The following LAMB4 variants were observed in gnomAD, a reference collection of about 807,000 sequenced individuals.
LAMB4 encodes the protein laminin subunit beta-4.
In LAMB4, 196 loss-of-function variants were observed where a neutral mutation model predicts 199.2. The ratio of observed to expected loss-of-function variants is 0.98; its 90% CI spans 0.88 to 1.11. The LOEUF (loss-of-function observed/expected upper bound fraction) is 1.11, where lower values mean the gene tolerates loss of function less well. LAMB4 is among the 50% of genes least tolerant of loss of function. The pLI is 0.00. For synonymous variants in LAMB4, 744 were observed against 770.6 expected, an observed-to-expected ratio of 0.97 and a Z score of 0.57; for missense variants, 2,080 against 2,171.2, an observed-to-expected ratio of 0.96 and a Z score of 0.83.
intron 23 of LAMB4, among the ~76,000 whole-genome samples, chr7:108,058,687 G>T (rs960260929): frequency 6.6e-6 from 1 of 151,986 alleles, no homozygotes; most frequent in African/African-American, 2.4e-5. Context: ...ACGGAGTCTC[G>T]CTCTGTTGCC....
At chr7:108,025,402 TTTCTTTCTTTCTTTC>T (rs895455538) in intron 33 of LAMB4, among the ~76,000 whole-genome samples, 2 of 127,286 alleles carry the variant, frequency 1.6e-5, no homozygotes, top group East Asian at 2.0e-4. Flanking sequence ...TCTTTCTTTC[TTTCTTTCTTTCTTTC>T]TTCTTTCTTT....
Position 108,041,027 on chromosome 7 carries a change from C to T in LAMB4, c.4471+2725G>A, listed in dbSNP as rs146808402. ...CATCTGACAAAGGTCTAATATCCAGCATCTATAAGGAACTTAAATCTACAA... is the reference window on the plus strand; with the variant it reads ...CATCTGACAAAGGTCTAATATCCAGTATCTATAAGGAACTTAAATCTACAA... On this transcript the variant is annotated intron_variant, in intron 29 of 33. Transcript: ENST00000388781. Among the ~76,000 whole-genome samples the T allele has an allele frequency of 8.5e-5, 13 of 152,088 alleles. No homozygotes were observed. In the East Asian group the frequency reaches 2.5e-3, roughly 29 times the overall value.
Position 108,037,537 on chromosome 7 carries a change from G to A in LAMB4, c.4530C>T (p.His1510=). The A allele has an allele frequency of 1.2e-6, 2 of 1,614,134 alleles. No homozygotes were observed. The highest frequency in any genetic ancestry group is 1.7e-6 in the Non-Finnish European group (2 of 1,180,012). The part of the protein sequence containing the change: ...EKVANGVLDI[H]LPIPSQNLTD... ...TTAGATTTTGGGATGGAATTGGTAG[G>A]TGAATGTCAAGCACACCATTCGCAA... Residue 1510 remains histidine (H), a synonymous_variant, in exon 30 of 34, where the codon CAC becomes CAT. Transcript: ENST00000388781.
intron 30 of LAMB4, among the ~76,000 whole-genome samples, 193 bp from the exon 31 acceptor site, chr7:108,034,539 C>A (rs926987391): frequency 1.3e-4 from 20 of 152,006 alleles, no homozygotes; most frequent in Admixed American, 1.0e-3. Context: ...ATAAAAAAAA[C>A]CCCACACACG....
Position 108,106,588 on chromosome 7 carries a change from A to G in LAMB4, c.592-16T>C, listed in dbSNP as rs906108525. 2.2e-6 allele frequency: 3 copies of G among 1,384,374 alleles called. No individual in the cohort carries two copies. The highest frequency in any genetic ancestry group is 1.8e-5 in the Admixed American group (1 of 55,898). 85.8% of individuals were successfully genotyped at this position (1,384,374 alleles called of 1,614,324 possible). ...TTAAAACAACCTGTAAAACAAATAT[A>G]GATACATTTATAGTATATTACCTGA... On this transcript the variant is annotated splice_polypyrimidine_tract_variant and intron_variant, in intron 6 of 33. Transcript: ENST00000388781.
intron 30 of LAMB4, among the ~76,000 whole-genome samples, chr7:108,034,951 G>C (rs2035170144): frequency 6.6e-6 from 1 of 152,224 alleles, no homozygotes; most frequent in Non-Finnish European, 1.5e-5. Context: ...ACCTTGAGAA[G>C]AATGTACCGA....
chr7:108,127,187 G>GTT (rs1795065522), intron 1 of LAMB4, among the ~76,000 whole-genome samples: 1 of 60,938 alleles, frequency 1.6e-5, no homozygotes, highest in East Asian at 3.8e-4. Context: ...TTTTTTTTTT[G>GTT]TGTTTTTTTT....
intron 21 of LAMB4, among the ~76,000 whole-genome samples, chr7:108,064,276 T>A (rs1403580832): frequency 6.6e-6 from 1 of 152,208 alleles, no homozygotes; most frequent in Non-Finnish European, 1.5e-5. Flanking sequence ...TAGATCCTTA[T>A]ATAATCAGCA....
chr7:108,029,136 G>C lies in LAMB4; in HGVS notation c.5053C>G (p.Leu1685Val). The C allele has an allele frequency of 6.2e-7, 1 of 1,613,832 alleles. No homozygotes were observed. Among genetic ancestry groups the C allele is most frequent in the Non-Finnish European group, 8.5e-7 (1 of 1,179,882 alleles). Residue 1685 changes from leucine (L) to valine (V), a missense_variant, in exon 33 of 34, where the codon CTA (leucine) becomes GTA (valine). By Grantham distance (32) the Leu-to-Val change is conservative. Coordinates refer to ENST00000388781, the MANE Select transcript of LAMB4 (RefSeq NM_007356.3). The stretch of plus-strand genomic sequence containing the variant: ...ACTTTTCCTAATGTCTCCTTTGTTA[G>C]TCCTGTAGTGCTTGTCTTACGTTGG... ...ILQRKTSTTG[L>V]TKETLGKVKQ... is the part of the protein sequence containing the mutation.
intron 1 of LAMB4, 130 bp downstream of exon 1, chr7:108,130,176 A>G (rs188275318): frequency 9.8e-5 from 15 of 152,342 alleles, no homozygotes; most frequent in Middle Eastern, 3.4e-3. Context: ...CTGTAAAAGT[A>G]ATAGTAATCT....
chr7:108,111,690 G>T, intron 4 of LAMB4, 121 bp downstream of exon 4: 1 of 785,450 alleles, frequency 1.3e-6, no homozygotes, highest in Non-Finnish European at 2.0e-6. Flanking sequence ...TACATTCTTG[G>T]AGGATACTGT....
intron 10 of LAMB4, among the ~76,000 whole-genome samples, chr7:108,100,703 T>G (rs917375005): frequency 2.6e-5 from 4 of 152,230 alleles, no homozygotes; most frequent in African/African-American, 9.6e-5. Flanking sequence ...ATTATCTGTT[T>G]CAATAATTGT....
chr7:108,032,182 G>A (rs958080994), intron 31 of LAMB4, among the ~76,000 whole-genome samples: 1 of 152,122 alleles, frequency 6.6e-6, no homozygotes, highest in African/African-American at 2.4e-5. Flanking sequence ...CTGAGGTCAG[G>A]AGTTCAAGAC....
intron 21 of LAMB4, 148 bp downstream of exon 21, chr7:108,065,614 A>G (rs1001492328): frequency 3.8e-6 from 2 of 530,008 alleles, no homozygotes; most frequent in Admixed American, 3.7e-5. Flanking sequence ...TCTTTGTTCA[A>G]TAAAGCAGCT....
chr7:108,093,599 T>C (rs2037491160), intron 12 of LAMB4, among the ~76,000 whole-genome samples: 1 of 152,236 alleles, frequency 6.6e-6, no homozygotes, highest in African/African-American at 2.4e-5. Context: ...TTTCCATCAT[T>C]GCAACATCTT....
intron 26 of LAMB4, among the ~76,000 whole-genome samples, chr7:108,051,605 A>G (rs2035828456): frequency 6.6e-6 from 1 of 152,226 alleles, no homozygotes; most frequent in Non-Finnish European, 1.5e-5. Context: ...TTTAAGAACT[A>G]TGCAATATGA....
chr7:108,068,215 C>A, intron 18 of LAMB4, 56 bp from the exon 19 acceptor site: 1 of 1,585,532 alleles, frequency 6.3e-7, no homozygotes, highest in South Asian at 1.1e-5. Context: ...AGAAGCACCT[C>A]ACCTTGTTAG....
chr7:108,041,391 C>T (rs1256390619), intron 29 of LAMB4, among the ~76,000 whole-genome samples: 1 of 152,190 alleles, frequency 6.6e-6, no homozygotes, highest in Non-Finnish European at 1.5e-5. Context: ...AATCTCATTA[C>T]TGGGTATATA....
chr7:108,069,905 A>G lies in LAMB4; in HGVS notation c.2125-20T>C. 1 of 1,597,146 alleles carries G rather than the reference A, an allele frequency of 6.3e-7. No individual in the cohort carries two copies. Among genetic ancestry groups the G allele is most frequent in the Non-Finnish European group, 8.6e-7 (1 of 1,167,560 alleles). On this transcript the variant is annotated intron_variant, in intron 17 of 33. Transcript: ENST00000388781. Reference sequence around the variant, plus strand: ...GCCAAGCTTTTGAAAGAATGCAAAAAGACTTAACATTCAAACTATCTGCTG... The same window carrying G: ...GCCAAGCTTTTGAAAGAATGCAAAAGGACTTAACATTCAAACTATCTGCTG...
Sources: allele counts gnomAD v4.1 joint callset (sites outside exome capture counted in the v4.1 genomes callset), GRCh38; gene constraint gnomAD v4.1.1; transcripts MANE v1.5; gene names NCBI Gene and HGNC (gene_info 2026-07-23, HGNC 2026-07-21).